The following DENND2B variants were observed in gnomAD, a reference collection of about 807,000 sequenced individuals.
DENND2B encodes the protein DENN domain containing 2B.
Under a neutral mutation model 116.0 loss-of-function variants are expected in DENND2B, and 32 were observed. That is an observed-to-expected ratio of 0.28 (90% CI 0.21 to 0.37). The LOEUF is 0.37. Ranked by LOEUF, DENND2B falls within the 10% of genes least tolerant of loss-of-function variation. DENND2B has a pLI of 1.00. For missense variants in DENND2B, 1,276 were observed against 1,477.7 expected (o/e 0.86, Z 2.24); for synonymous variants, 588 against 583.9 (o/e 1.01, Z -0.10).
chr11:8,699,433 A>T, intron 14 of DENND2B, 43 bp from the exon 15 acceptor site: 2 of 1,541,128 alleles, frequency 1.3e-6, no homozygotes, highest in Non-Finnish European at 1.7e-6. Context: ...GCCCAGGCCC[A>T]GGAACTTAGA....
chr11:8,837,250 G>A (rs1010298627), intron 4 of DENND2B, among the ~76,000 whole-genome samples: 1 of 77,224 alleles, frequency 1.3e-5, no homozygotes, highest in African/African-American at 4.3e-5. Context: ...ATTTGGGGAG[G>A]AGGGATGGGG....
At chr11:8,895,633 G>A (rs1250193811) in intron 1 of DENND2B, 1 of 152,140 alleles carries the variant, frequency 6.6e-6, no homozygotes, top group Non-Finnish European at 1.5e-5. Context: ...CAGAGTTTCA[G>A]TTTTACAAGA....
In DENND2B at chr11:8,730,759, C is replaced by T. The variant is rs754917286; in HGVS notation, c.531G>A (p.Ala177=). The change falls in exon 3 of 20, where the codon GCG becomes GCA. Residue 177 remains alanine (A), a synonymous_variant. Transcript: ENST00000313726. This position sits in a 1 kb window ranked among gnomAD's most constrained non-coding sequence, Gnocchi z 4.1. The part of the protein sequence containing the change: ...KISAWEGRRE[A]SPRMSMCGEK... The stretch of plus-strand genomic sequence containing the variant: ...CTCCACACATGCTCATCCTGGGCGA[C>T]GCCTCTCGGCGACCTTCCCATGCTG... The T allele has an allele frequency of 3.2e-5, 52 of 1,612,520 alleles. No individual in the cohort carries two copies. The highest frequency in any genetic ancestry group is 1.3e-4 in the South Asian group (12 of 91,096).
At chr11:8,718,194 G>A (rs185000408) in intron 4 of DENND2B, 3 of 753,318 alleles carry the variant, frequency 4.0e-6, no homozygotes, top group South Asian at 1.5e-5. Flanking sequence ...AGCCACCCCT[G>A]CCTGTGCCCA....
At chr11:8,761,036 C>G (rs917923431) in intron 1 of DENND2B, among the ~76,000 whole-genome samples, 2 of 152,190 alleles carry the variant, frequency 1.3e-5, no homozygotes, top group East Asian at 1.9e-4. Flanking sequence ...TCAAAGAAAG[C>G]CCTTTAAGTC....
intron 1 of DENND2B, among the ~76,000 whole-genome samples, chr11:8,770,476 T>C (rs1056462435): frequency 2.0e-5 from 3 of 152,196 alleles, no homozygotes; most frequent in Non-Finnish European, 2.9e-5. Flanking sequence ...CCTGGAATAG[T>C]GTCTGGCTCA....
chr11:8,844,867 T>A (rs2134628163), intron 3 of DENND2B, among the ~76,000 whole-genome samples: 1 of 152,206 alleles, frequency 6.6e-6, no homozygotes, highest in African/African-American at 2.4e-5. Context: ...CCCAAGCAGC[T>A]AGAACTACAG....
At chr11:8,767,409 C>G (rs2056040205) in intron 1 of DENND2B, among the ~76,000 whole-genome samples, 2 of 129,330 alleles carry the variant, frequency 1.5e-5, no homozygotes, top group East Asian at 2.3e-4. Flanking sequence ...AATGAGAGAC[C>G]CTGAGAGGCC....
intron 1 of DENND2B, among the ~76,000 whole-genome samples, chr11:8,882,433 A>C (rs1217848185): frequency 6.6e-6 from 1 of 152,210 alleles, no homozygotes; most frequent in Non-Finnish European, 1.5e-5. Flanking sequence ...CCATGAGCCA[A>C]TCTGCTGACT....
intron 1 of DENND2B, among the ~76,000 whole-genome samples, chr11:8,888,226 G>T (rs1190166193): frequency 6.6e-6 from 1 of 152,154 alleles, no homozygotes; most frequent in Non-Finnish European, 1.5e-5. Context: ...CACCCCCATG[G>T]CAGGCAGCTG....
chr11:8,719,363 T>C (rs1033679345), intron 4 of DENND2B, among the ~76,000 whole-genome samples: 6 of 152,296 alleles, frequency 3.9e-5, no homozygotes, highest in Admixed American at 3.3e-4. Context: ...CAGTGACAGC[T>C]AAATAGACTG....
At chr11:8,772,423 T>TA (rs1030554511) in intron 1 of DENND2B, among the ~76,000 whole-genome samples, 11 of 152,018 alleles carry the variant, frequency 7.2e-5, no homozygotes, top group African/African-American at 2.7e-4. Flanking sequence ...TGTCCCCACT[T>TA]AATCTATGGA....
chr11:8,718,729 T>C, intron 4 of DENND2B: 1 of 1,108,434 alleles, frequency 9.0e-7, no homozygotes. Flanking sequence ...TTCTAAAATC[T>C]CTGGCAGCGG....
At chr11:8,895,011 A>G (rs1241248936) in intron 1 of DENND2B, among the ~76,000 whole-genome samples, 2 of 152,198 alleles carry the variant, frequency 1.3e-5, no homozygotes, top group Non-Finnish European at 2.9e-5. Context: ...AATGTCCATC[A>G]ATGATAGACT....
chr11:8,781,664 T>C (rs2058390033), intron 1 of DENND2B, among the ~76,000 whole-genome samples: 1 of 151,680 alleles, frequency 6.6e-6, no homozygotes, highest in South Asian at 2.1e-4. Context: ...GGATAACCTA[T>C]ACAAAGTTAA....
intron 1 of DENND2B, among the ~76,000 whole-genome samples, chr11:8,891,930 G>A (rs866903788): frequency 6.6e-6 from 1 of 152,158 alleles, no homozygotes; most frequent in Non-Finnish European, 1.5e-5. Flanking sequence ...CAAATCAACA[G>A]AATATACTTT....
At chr11:8,819,579 C>A (rs1230411144) in intron 4 of DENND2B, among the ~76,000 whole-genome samples, 1 of 152,198 alleles carries the variant, frequency 6.6e-6, no homozygotes, top group East Asian at 1.9e-4. Flanking sequence ...CACCACGTAC[C>A]CCGATACCAT....
At chr11:8,733,562 G>A (rs1436007144) in intron 2 of DENND2B, among the ~76,000 whole-genome samples, 1 of 152,140 alleles carries the variant, frequency 6.6e-6, no homozygotes, top group Non-Finnish European at 1.5e-5. Context: ...ACAATCTCTT[G>A]GGAAGCCTTT....
At chr11:8,750,024 T>G (rs1169670641) in intron 2 of DENND2B, among the ~76,000 whole-genome samples, 2 of 152,232 alleles carry the variant, frequency 1.3e-5, no homozygotes, top group Non-Finnish European at 2.9e-5. Context: ...TGACATATAT[T>G]ATCTCATTTA....
Sources: allele counts gnomAD v4.1 joint callset (sites outside exome capture counted in the v4.1 genomes callset), GRCh38; gene constraint gnomAD v4.1.1; non-coding constraint Gnocchi (gnomAD v3.1); transcripts MANE v1.5; gene names NCBI Gene and HGNC (gene_info 2026-07-23, HGNC 2026-07-21).